RRP15: variants seen among roughly 807,000 people sequenced by gnomAD.
RRP15 encodes the protein RRP15-like protein.
In RRP15, 18 loss-of-function variants were observed where a neutral mutation model predicts 27.1. The ratio of observed to expected loss-of-function variants is 0.66; its 90% CI spans 0.46 to 0.98. The LOEUF (loss-of-function observed/expected upper bound fraction) is 0.98, where lower values mean the gene tolerates loss of function less well. Among genes scored for constraint, RRP15 ranks in the 50% least tolerant of loss-of-function variants. The pLI is 0.00. For synonymous variants in RRP15, 107 were observed against 109.4 expected (o/e 0.98, Z 0.14); for missense variants, 359 against 337.8 (o/e 1.06, Z -0.49).
At chr1:218,295,326 G>A (rs1189105454) in intron 1 of RRP15, among the ~76,000 whole-genome samples, 1 of 152,156 alleles carries the variant, frequency 6.6e-6, no homozygotes, top group Non-Finnish European at 1.5e-5. Context: ...GGAAGCGTCT[G>A]TTGTCTGTAA....
chr1:218,290,248 C>A (rs1655617489), intron 1 of RRP15, among the ~76,000 whole-genome samples: 1 of 152,094 alleles, frequency 6.6e-6, no homozygotes, highest in Non-Finnish European at 1.5e-5. Flanking sequence ...TTTATAAATA[C>A]TTACTCTCAA....
Position 218,321,280 on chromosome 1 carries a change from G to A in RRP15, c.706-9668G>A, listed in dbSNP as rs531425632. 6.6e-5 allele frequency among the ~76,000 whole-genome samples: 10 copies of A among 152,284 alleles called. No individual in the cohort carries two copies. The South Asian group carries it at 1.2e-3, about 19-fold the overall frequency. ...TGTTTCCTTGCATCATGCAGTTTTC[G>A]TTAAGTTCTTGCATTTAGTCACTTT... On this transcript the variant is annotated intron_variant, in intron 4 of 4. Coordinates refer to ENST00000366932, the MANE Select transcript of RRP15 (RefSeq NM_016052.4).
At position 218,331,280 on chromosome 1, in the gene RRP15, A is replaced by G. The variant is rs1656364806; in HGVS notation, c.*189A>G. 1 of 441,128 alleles carries G rather than the reference A, an allele frequency of 2.3e-6. No homozygotes were observed. The highest frequency in any genetic ancestry group is 2.0e-5 in the African/African-American group (1 of 49,866). 27.3% of individuals were successfully genotyped at this position (441,128 alleles called of 1,614,324 possible). On this transcript the variant is annotated 3_prime_UTR_variant, in exon 5 of 5. Transcript: ENST00000366932. Reference sequence around the variant, plus strand: ...AAAATTATATTTTAAACCCTTGTATAATTTTAAGCATTGTTCCTCAGAACA... The same window carrying G: ...AAAATTATATTTTAAACCCTTGTATGATTTTAAGCATTGTTCCTCAGAACA...
At chr1:218,313,636 C>T (rs1031515885) in intron 4 of RRP15, among the ~76,000 whole-genome samples, 1 of 152,084 alleles carries the variant, frequency 6.6e-6, no homozygotes, top group African/African-American at 2.4e-5. Flanking sequence ...AATAGCATGG[C>T]CAGAAACAAG....
intron 1 of RRP15, among the ~76,000 whole-genome samples, chr1:218,286,121 ATTGCT>A (rs1655544564): frequency 6.6e-6 from 1 of 152,166 alleles, no homozygotes; most frequent in Non-Finnish European, 1.5e-5. Flanking sequence ...CTGCCCAGTT[ATTGCT>A]CCTTTGTACC....
intron 1 of RRP15, among the ~76,000 whole-genome samples, chr1:218,301,041 C>A (rs1018321438): frequency 6.6e-6 from 1 of 152,150 alleles, no homozygotes; most frequent in African/African-American, 2.4e-5. Flanking sequence ...ACTTAAACTA[C>A]TAATATTGTT....
intron 4 of RRP15, among the ~76,000 whole-genome samples, chr1:218,314,004 TTTATTTTA>T (rs1656041367): frequency 6.6e-6 from 1 of 151,298 alleles, no homozygotes; most frequent in South Asian, 2.1e-4. Context: ...TTTATTTTAT[TTTATTTTA>T]TGTTTTGTTA....
chr1:218,330,476 T>C (rs1303923056), intron 4 of RRP15, among the ~76,000 whole-genome samples: 1 of 152,166 alleles, frequency 6.6e-6, no homozygotes, highest in Non-Finnish European at 1.5e-5. Flanking sequence ...AAACCTAGCA[T>C]AGTACCAATG....
chr1:218,292,230 T>C (rs535949644), intron 1 of RRP15, among the ~76,000 whole-genome samples: 79 of 152,260 alleles, frequency 5.2e-4, no homozygotes, highest in Non-Finnish European at 1.0e-3. Context: ...ATAATAGTTA[T>C]ATTTAATATA....
intron 1 of RRP15, among the ~76,000 whole-genome samples, chr1:218,297,229 A>AC: frequency 6.6e-6 from 1 of 152,218 alleles, no homozygotes; most frequent in Admixed American, 6.5e-5. Flanking sequence ...TGAGCTCTTA[A>AC]CCCCTATGCT....
chr1:218,290,986 G>A (rs866301560), intron 1 of RRP15, among the ~76,000 whole-genome samples: 1 of 145,700 alleles, frequency 6.9e-6, no homozygotes, highest in East Asian at 2.0e-4. Flanking sequence ...GAAAAAACTA[G>A]CTGGATATGG....
intron 2 of RRP15, among the ~76,000 whole-genome samples, chr1:218,304,445 TTG>T (rs946200755): frequency 6.6e-6 from 1 of 152,200 alleles, no homozygotes; most frequent in African/African-American, 2.4e-5. Flanking sequence ...TCTGTACAGT[TTG>T]CTGTAGCTTA....
chr1:218,306,853 C>T (rs1359646747), intron 3 of RRP15, among the ~76,000 whole-genome samples: 1 of 152,124 alleles, frequency 6.6e-6, no homozygotes, highest in Non-Finnish European at 1.5e-5. Flanking sequence ...TTCTATTTTT[C>T]ATACTGAGTC....
chr1:218,310,971 A>T (rs1655986063), intron 4 of RRP15, among the ~76,000 whole-genome samples: 1 of 151,608 alleles, frequency 6.6e-6, no homozygotes, highest in Admixed American at 6.6e-5. Context: ...CTGGTCACGA[A>T]CTCCTGACCT....
In RRP15 at chr1:218,298,900, G is replaced by C. The variant is rs553860711; in HGVS notation, c.140-3394G>C. On this transcript the variant is annotated intron_variant, in intron 1 of 4. Transcript: ENST00000366932. Reference sequence around the variant, plus strand: ...ATCCTTTGTAGTCCTTTAAGTTCCAGATTTTTATAGTAGAATGCAAAATTA... The same window carrying C: ...ATCCTTTGTAGTCCTTTAAGTTCCACATTTTTATAGTAGAATGCAAAATTA... Among the ~76,000 whole-genome samples the C allele has an allele frequency of 2.6e-5, 4 of 152,244 alleles. No homozygotes were observed. In the South Asian group the frequency reaches 8.3e-4, roughly 32 times the overall value.
Position 218,333,400 on chromosome 1 carries a change from C to A in RRP15, c.*2309C>A, listed in dbSNP as rs1656402741. 1 of 139,124 alleles carries A rather than the reference C, an allele frequency of 7.2e-6. No individual in the cohort carries two copies. Among genetic ancestry groups the A allele is most frequent in the African/African-American group, 2.5e-5 (1 of 40,610 alleles). 8.6% of individuals were successfully genotyped at this position (139,124 alleles called of 1,614,324 possible). A position where few individuals can be genotyped will look rare whatever the true frequency, so the allele number is the denominator to read the frequency against. On this transcript the variant is annotated 3_prime_UTR_variant, in exon 5 of 5. Transcript: ENST00000366932. ...TGAATGTTTTGAGTAGTTCTGTCACCCCTATTCTAAATATTTTACCTACAA... is the reference window on the plus strand; with the variant it reads ...TGAATGTTTTGAGTAGTTCTGTCACACCTATTCTAAATATTTTACCTACAA...
Position 218,333,863 on chromosome 1 carries a change from A to G in RRP15, c.*2772A>G, listed in dbSNP as rs1027530244. 2 of 152,224 alleles carry G rather than the reference A, an allele frequency of 1.3e-5. No homozygotes were observed. The highest frequency in any genetic ancestry group is 4.1e-4 in the South Asian group (2 of 4,834). The allele number at this position is 152,224 out of a possible 1,614,324, so 9.4% of individuals were successfully genotyped here. On this transcript the variant is annotated 3_prime_UTR_variant, in exon 5 of 5. Transcript: ENST00000366932. ...CCTGCCTCCCCATTTATTTAAACAT[A>G]ACACCTAGGATTTTATTTTTGGTAA...
rs1268719802 is a variant in RRP15 at position 218,330,920 on chromosome 1, A to C, written c.706-28A>C. 1.9e-6 allele frequency: 3 copies of C among 1,600,064 alleles called. No individual in the cohort carries two copies. The African/African-American group carries it at 4.0e-5, about 22-fold the overall frequency. On this transcript the variant is annotated intron_variant, in intron 4 of 4. Coordinates refer to ENST00000366932, the MANE Select transcript of RRP15 (RefSeq NM_016052.4). ...TTCCTTATGATGGAATTGACTTTTG[A>C]ATATTTTGATTCTATAATTTTCCTT...
chr1:218,289,727 G>A (rs982645709), intron 1 of RRP15, among the ~76,000 whole-genome samples: 1 of 152,154 alleles, frequency 6.6e-6, no homozygotes, highest in African/African-American at 2.4e-5. Flanking sequence ...TTGTTGCCCA[G>A]GCTGGAGTGC....
Sources: gnomAD v4.1 joint callset for allele counts (sites outside exome capture counted in the v4.1 genomes callset) on GRCh38, gnomAD v4.1.1 for gene constraint, MANE v1.5 for transcripts, NCBI Gene and HGNC (gene_info 2026-07-23, HGNC 2026-07-21) for gene names.